The following FAM178B variants were observed in gnomAD, a reference collection of about 807,000 sequenced individuals.
The protein encoded by FAM178B is family with sequence similarity 178 member B, also known as protein FAM178B.
In FAM178B, 82 loss-of-function variants were observed where a neutral mutation model predicts 91.7. The ratio of observed to expected loss-of-function variants is 0.89; its 90% CI spans 0.75 to 1.07. FAM178B has a LOEUF of 1.07. Ranked by LOEUF, FAM178B falls within the 50% of genes least tolerant of loss-of-function variation. The pLI is 0.00. For missense variants in FAM178B, 769 were observed against 846.7 expected, an observed-to-expected ratio of 0.91 and a Z score of 1.14; for synonymous variants, 368 against 359.4, an observed-to-expected ratio of 1.02 and a Z score of -0.27.
chr2:96,941,130 T>C (rs1267331188), intron 8 of FAM178B, among the ~76,000 whole-genome samples: 1 of 152,246 alleles, frequency 6.6e-6, no homozygotes, highest in African/African-American at 2.4e-5. Flanking sequence ...ATTCATTTTG[T>C]GCCGGGAAAT....
chr2:96,916,997 A>G (rs1314440909), intron 12 of FAM178B, among the ~76,000 whole-genome samples: 1 of 152,166 alleles, frequency 6.6e-6, no homozygotes, highest in African/African-American at 2.4e-5. Context: ...GAAGACCCAC[A>G]GTGAGTACAA....
chr2:96,959,028 G>A (rs1029116437), intron 6 of FAM178B, among the ~76,000 whole-genome samples: 8 of 151,480 alleles, frequency 5.3e-5, no homozygotes, highest in African/African-American at 1.5e-4. Context: ...GTGAAACCCC[G>A]TCTCTACTAA....
At chr2:96,905,836 ATATATATATATATATATATATATATTT>A (rs1194414867) in intron 12 of FAM178B, among the ~76,000 whole-genome samples, 35 of 28,480 alleles carry the variant, frequency 1.2e-3, no homozygotes, top group Non-Finnish European at 2.1e-3. Context: ...ATATATATAT[ATATATATATATATATATATATATATTT>A]TTTTTTTTTT....
intron 13 of FAM178B, chr2:96,895,116 C>G: frequency 7.8e-7 from 1 of 1,289,414 alleles, no homozygotes; most frequent in Non-Finnish European, 1.0e-6. Flanking sequence ...TCAGCCCCTG[C>G]CTTCCACTCC....
Position 96,923,546 on chromosome 2 carries a change from C to A in FAM178B, c.1231G>T (p.Glu411Ter). The change falls in exon 10 of 17, where the codon GAG becomes TAG. Residue 411 changes from glutamate to a stop codon, truncating the protein, a stop_gained. Coordinates refer to ENST00000490605, the MANE Select transcript of FAM178B (RefSeq NM_001122646.3). LOFTEE classifies it high-confidence loss of function. ...PGEAGLNENE[E>*]QDAPQEIALD... ...GCAATCTCTTGGGGAGCGTCCTGCT[C>A]CTCATTCTCATTCAGGCCAGCCTCG... The A allele has an allele frequency of 6.4e-7, 1 of 1,551,714 alleles. No homozygotes were observed. The highest frequency in any genetic ancestry group is 1.2e-5 in the South Asian group (1 of 84,052).
intron 12 of FAM178B, among the ~76,000 whole-genome samples, chr2:96,916,534 G>A (rs935854717): frequency 5.9e-5 from 9 of 152,224 alleles, no homozygotes; most frequent in African/African-American, 2.2e-4. Flanking sequence ...TCAGTAGAGT[G>A]CAAGCAGTTG....
chr2:96,941,760 G>A (rs1488710702), intron 8 of FAM178B, among the ~76,000 whole-genome samples: 1 of 152,140 alleles, frequency 6.6e-6, no homozygotes, highest in Non-Finnish European at 1.5e-5. Context: ...AATTGTCTTG[G>A]AAGCAAATGG....
At position 96,878,485 on chromosome 2, in the gene FAM178B, G is replaced by A; in HGVS notation, c.1785C>T (p.Tyr595=). The A allele has an allele frequency of 6.2e-7, 1 of 1,613,866 alleles. No individual in the cohort carries two copies. Among genetic ancestry groups the A allele is most frequent in the South Asian group, 1.1e-5 (1 of 91,072 alleles). Residue 595 remains tyrosine (Y), a synonymous_variant, in exon 15 of 17, where the codon TAC becomes TAT. Transcript: ENST00000490605. ...CCAGCATCAGCAAGCTGTGGCACAG[G>A]TAGCAGGCCTGGAGGGAGAGCACAG... is the stretch of plus-strand genomic sequence containing the variant. ...ASAELDHKAC[Y]LCHSLLMLAG...
At chr2:96,931,165 G>A (rs1340402837) in intron 8 of FAM178B, among the ~76,000 whole-genome samples, 1 of 152,174 alleles carries the variant, frequency 6.6e-6, no homozygotes, top group African/African-American at 2.4e-5. Flanking sequence ...CAAGAACCTG[G>A]AAGCTGGGTT....
intron 7 of FAM178B, among the ~76,000 whole-genome samples, chr2:96,949,000 C>T (rs1343499987): frequency 6.6e-6 from 1 of 152,180 alleles, no homozygotes; most frequent in Non-Finnish European, 1.5e-5. Context: ...AGAACTCTGC[C>T]TTTCTCCTCC....
At position 96,979,524 on chromosome 2, in the gene FAM178B, A is replaced by G. The variant is rs572533212; in HGVS notation, c.73+6717T>C. Among the ~76,000 whole-genome samples the G allele has an allele frequency of 5.9e-4, 90 of 152,126 alleles. 1 individual carries two copies. Among genetic ancestry groups the G allele is most frequent in the African/African-American group, 2.1e-3 (88 of 41,472 alleles). On this transcript the variant is annotated intron_variant, in intron 1 of 16. Coordinates refer to ENST00000490605, the MANE Select transcript of FAM178B (RefSeq NM_001122646.3). ...TCCTATATCACATTTTCTTTATCCA[A>G]TCATCTGTTGATGGACACTTAGGTT... is the stretch of plus-strand genomic sequence containing the variant.
intron 12 of FAM178B, among the ~76,000 whole-genome samples, chr2:96,920,432 T>A (rs1426253442): frequency 6.6e-6 from 1 of 152,122 alleles, no homozygotes; most frequent in African/African-American, 2.4e-5. Flanking sequence ...AAACCCTGTC[T>A]CCACTAAAAA....
chr2:96,974,943 T>G (rs1574322912), intron 1 of FAM178B, among the ~76,000 whole-genome samples: 1 of 151,750 alleles, frequency 6.6e-6, no homozygotes, highest in South Asian at 2.1e-4. Flanking sequence ...ATACAAAAAT[T>G]AGCTGGGCTT....
chr2:96,940,287 G>A (rs2081705029), intron 8 of FAM178B, among the ~76,000 whole-genome samples: 1 of 152,166 alleles, frequency 6.6e-6, no homozygotes, highest in African/African-American at 2.4e-5. Flanking sequence ...ACACATATGG[G>A]CAGCTGCTGC....
chr2:96,960,346 A>G lies in FAM178B; in HGVS notation c.829T>C (p.Cys277Arg). 3 of 1,551,742 alleles carry G rather than the reference A, an allele frequency of 1.9e-6. No homozygotes were observed. Among genetic ancestry groups the G allele is most frequent in the Non-Finnish European group, 2.6e-6 (3 of 1,146,990 alleles). ...TTCAGGAGTGAGGAGTCCAGGATGC[A>G]TGGCAGGGGGTGACACCTGGGCAGA... is the stretch of plus-strand genomic sequence containing the variant. ...VFLPRCHPLPCILDSSLLKPR... is the reference protein window; with the variant it reads ...VFLPRCHPLPRILDSSLLKPR... Residue 277 changes from cysteine (C) to arginine (R), a missense_variant, in exon 6 of 17, where the codon TGC becomes CGC. Cys to Arg is a radical substitution (Grantham distance 180). Coordinates refer to ENST00000490605, the MANE Select transcript of FAM178B (RefSeq NM_001122646.3).
intron 5 of FAM178B, among the ~76,000 whole-genome samples, chr2:96,962,420 C>T (rs1243981798): frequency 3.0e-5 from 3 of 98,770 alleles, no homozygotes; most frequent in Admixed American, 9.7e-5. Flanking sequence ...CAGTGCAAGA[C>T]TTCGTCTCAA....
intron 16 of FAM178B, 24 bp from the exon 17 acceptor site, chr2:96,876,332 T>C: frequency 1.3e-6 from 2 of 1,587,574 alleles, no homozygotes; most frequent in Non-Finnish European, 1.7e-6. Flanking sequence ...AAAAGCAGGC[T>C]GTGAGGGCCT....
At chr2:96,929,451 G>A in intron 8 of FAM178B, 131 bp from the exon 9 acceptor site, 1 of 661,928 alleles carries the variant, frequency 1.5e-6, no homozygotes, top group Non-Finnish European at 2.7e-6. Flanking sequence ...CACCACAGGT[G>A]TTATCTGGGG....
chr2:96,937,168 T>TCCTCCTGCC (rs2081647178), intron 8 of FAM178B, among the ~76,000 whole-genome samples: 1 of 152,102 alleles, frequency 6.6e-6, no homozygotes, highest in African/African-American at 2.4e-5. Context: ...AGTGCTGGGA[T>TCCTCCTGCC]TACAGGTGTG....
Sources: gnomAD v4.1 joint callset for allele counts (sites outside exome capture counted in the v4.1 genomes callset) on GRCh38, gnomAD v4.1.1 for gene constraint, MANE v1.5 for transcripts, NCBI Gene and HGNC (gene_info 2026-07-23, HGNC 2026-07-21) for gene names.